Variants in PALM2AKAP2 observed in about 807,000 individuals in gnomAD.
The protein encoded by PALM2AKAP2 is PALM2-AKAP2 fusion protein.
A neutral mutation model predicts 71.5 loss-of-function variants in PALM2AKAP2; 37 were observed. That is an observed-to-expected ratio of 0.52 (90% confidence interval 0.40 to 0.68). PALM2AKAP2 has a LOEUF of 0.68. Among genes scored for constraint, PALM2AKAP2 ranks in the 30% least tolerant of loss-of-function variants. The pLI, the probability that PALM2AKAP2 is intolerant of heterozygous loss-of-function variation, is 0.00. For synonymous variants in PALM2AKAP2, 468 were observed against 478.8 expected (o/e 0.98, Z 0.29); for missense variants, 1,224 against 1,191.8 (o/e 1.03, Z -0.40).
At chr9:110,011,850 G>C (rs190005788) in intron 6 of PALM2AKAP2, among the ~76,000 whole-genome samples, 1 of 152,260 alleles carries the variant, frequency 6.6e-6, no homozygotes, top group Non-Finnish European at 1.5e-5. Flanking sequence ...AGTCCAAGTG[G>C]GATGTCATTC....
intron 1 of PALM2AKAP2, among the ~76,000 whole-genome samples, chr9:109,731,538 T>A (rs995833743): frequency 3.9e-5 from 6 of 152,232 alleles, no homozygotes; most frequent in Non-Finnish European, 8.8e-5. Context: ...AATTAAAATA[T>A]GCTTTTCTTT....
At chr9:110,076,704 A>G (rs539356751) in intron 1 of PALM2AKAP2, among the ~76,000 whole-genome samples, 2 of 151,992 alleles carry the variant, frequency 1.3e-5, no homozygotes, top group Non-Finnish European at 2.9e-5. Context: ...AAGTAAAAAT[A>G]TAGGGTCCCA....
intron 6 of PALM2AKAP2, chr9:109,944,121 A>G (rs573676646): frequency 2.6e-5 from 4 of 152,672 alleles, no homozygotes; most frequent in African/African-American, 9.6e-5. Flanking sequence ...CTCTCTTTCT[A>G]TGGTTTAACC....
At chr9:109,864,723 T>C (rs1209477911) in intron 1 of PALM2AKAP2, among the ~76,000 whole-genome samples, 1 of 152,248 alleles carries the variant, frequency 6.6e-6, no homozygotes, top group African/African-American at 2.4e-5. Context: ...AGAGACTGTA[T>C]GTCCCACAAA....
intron 6 of PALM2AKAP2, among the ~76,000 whole-genome samples, chr9:109,989,128 G>C (rs1832430620): frequency 1.3e-5 from 2 of 152,192 alleles, no homozygotes; most frequent in African/African-American, 4.8e-5. Flanking sequence ...ATACAGATGT[G>C]TTGAGAGGTC....
chr9:109,737,408 C>G (rs1828653131), intron 1 of PALM2AKAP2, among the ~76,000 whole-genome samples: 2 of 152,218 alleles, frequency 1.3e-5, no homozygotes, highest in South Asian at 4.1e-4. Context: ...GCCATGTGGC[C>G]AAGGGTGAGG....
chr9:109,811,568 ATT>A (rs1827727933), intron 1 of PALM2AKAP2, among the ~76,000 whole-genome samples: 1 of 152,042 alleles, frequency 6.6e-6, no homozygotes, highest in Non-Finnish European at 1.5e-5. Flanking sequence ...TTTTTATTAT[ATT>A]CTTTTTCTTT....
At chr9:109,986,458 A>G (rs994755493) in intron 6 of PALM2AKAP2, among the ~76,000 whole-genome samples, 2 of 152,208 alleles carry the variant, frequency 1.3e-5, no homozygotes, top group Admixed American at 1.3e-4. Context: ...TGTTTCATCT[A>G]ATATGGATCT....
exon 2 of PALM2AKAP2, chr9:110,137,073 T>C (rs763378919): frequency 6.2e-7 from 1 of 1,613,810 alleles, no homozygotes; most frequent in South Asian, 1.1e-5. Flanking sequence ...GAACAGTTGC[T>C]GCTGCAGAAG....
intron 1 of PALM2AKAP2, among the ~76,000 whole-genome samples, chr9:109,820,455 G>T (rs1411709426): frequency 6.6e-6 from 1 of 152,202 alleles, no homozygotes. Flanking sequence ...TTCAGTCTCA[G>T]CCCCATTCCT....
At position 110,163,322 on chromosome 9, in the gene PALM2AKAP2, C is replaced by T. The variant is rs139435293; in HGVS notation, c.2749-5077C>T. Among the ~76,000 whole-genome samples, 589 of 152,152 alleles carry T rather than the reference C, an allele frequency of 3.9e-3. 3 individuals carry two copies. The highest frequency in any genetic ancestry group is 0.02 in the Middle Eastern group (6 of 294). On this transcript the variant is annotated intron_variant, in intron 3 of 3. Coordinates refer to ENST00000374525, the Ensembl canonical transcript of PALM2AKAP2. The stretch of plus-strand genomic sequence containing the variant: ...AATACAGCAGTCAACAAAACAAGTT[C>T]CTGATATCATGGAACTGGCATTCAG...
intron 1 of PALM2AKAP2, among the ~76,000 whole-genome samples, chr9:109,707,469 G>A (rs1361005395): frequency 6.6e-6 from 1 of 152,172 alleles, no homozygotes; most frequent in African/African-American, 2.4e-5. Context: ...GATGGCAGGT[G>A]AGCAGTGACA....
At chr9:109,647,644 T>G (rs1827172803) in intron 1 of PALM2AKAP2, among the ~76,000 whole-genome samples, 2 of 152,222 alleles carry the variant, frequency 1.3e-5, no homozygotes, top group African/African-American at 4.8e-5. Context: ...TATGTTTGAC[T>G]AGTCTAACTT....
At chr9:110,026,267 A>G (rs1833181331) in intron 7 of PALM2AKAP2, among the ~76,000 whole-genome samples, 1 of 151,910 alleles carries the variant, frequency 6.6e-6, no homozygotes, top group African/African-American at 2.4e-5. Flanking sequence ...TTTGTAGAGA[A>G]GGAGGACTCC....
intron 1 of PALM2AKAP2, among the ~76,000 whole-genome samples, chr9:110,112,289 T>C (rs1277654024): frequency 6.6e-6 from 1 of 151,980 alleles, no homozygotes; most frequent in Non-Finnish European, 1.5e-5. Context: ...AAGATGTGCT[T>C]CTTTATAGTG....
At chr9:109,666,197 A>G (rs1291923766) in intron 1 of PALM2AKAP2, among the ~76,000 whole-genome samples, 1 of 151,948 alleles carries the variant, frequency 6.6e-6, no homozygotes, top group South Asian at 2.1e-4. Flanking sequence ...GGCTGCATCC[A>G]CTCTCCAACC....
chr9:109,652,435 T>G (rs1284782949), intron 1 of PALM2AKAP2, among the ~76,000 whole-genome samples: 1 of 152,188 alleles, frequency 6.6e-6, no homozygotes, highest in East Asian at 1.9e-4. Context: ...CTGCCGTGAG[T>G]GGAAGCTTCC....
At chr9:109,762,343 C>T (rs1829068823) in intron 1 of PALM2AKAP2, among the ~76,000 whole-genome samples, 1 of 152,102 alleles carries the variant, frequency 6.6e-6, no homozygotes, top group Non-Finnish European at 1.5e-5. Flanking sequence ...ACTAGTGACA[C>T]CTGGATTCTA....
intron 1 of PALM2AKAP2, among the ~76,000 whole-genome samples, chr9:110,066,660 C>T (rs1396979224): frequency 6.6e-6 from 1 of 150,794 alleles, no homozygotes. Flanking sequence ...GATCACAACA[C>T]TGCACTCTAG....
Sources: allele counts gnomAD v4.1 joint callset (sites outside exome capture counted in the v4.1 genomes callset), GRCh38; gene constraint gnomAD v4.1.1; transcripts MANE v1.5; gene names NCBI Gene and HGNC (gene_info 2026-07-23, HGNC 2026-07-21).